Variants in LINGO2 observed in about 807,000 individuals in gnomAD.
LINGO2 encodes the protein leucine-rich repeat and immunoglobulin-like domain-containing nogo receptor-interacting protein 2.
A neutral mutation model predicts 30.6 loss-of-function variants in LINGO2; 14 were observed. That is an observed-to-expected ratio of 0.46 (90% CI 0.30 to 0.72). The LOEUF (loss-of-function observed/expected upper bound fraction) is 0.72. Among genes scored for constraint, LINGO2 ranks in the 30% least tolerant of loss-of-function variants. The pLI is 0.07. For missense variants in LINGO2, 729 were observed against 751.7 expected (o/e 0.97, Z 0.35); for synonymous variants, 317 against 288.5 (o/e 1.10, Z -1.00).
chr9:29,149,971 G>A, the LINGO2 span, among the ~76,000 whole-genome samples: 1 of 152,144 alleles, frequency 6.6e-6, no homozygotes, highest in Non-Finnish European at 1.5e-5. Context: ...CTTGATGCCA[G>A]TTATTGAAGG....
chr9:28,232,602 A>G (rs1821398042), intron 4 of LINGO2, among the ~76,000 whole-genome samples: 1 of 152,084 alleles, frequency 6.6e-6, no homozygotes. Context: ...ACTCATCATT[A>G]TTTTGTGTGT....
the LINGO2 span, among the ~76,000 whole-genome samples, chr9:29,203,734 C>G: frequency 3.3e-5 from 5 of 152,262 alleles, no homozygotes; most frequent in African/African-American, 1.2e-4. Flanking sequence ...CCACTTAATC[C>G]TCTTGCCTAT....
At chr9:28,149,981 C>T (rs888998975) in intron 4 of LINGO2, among the ~76,000 whole-genome samples, 2 of 150,104 alleles carry the variant, frequency 1.3e-5, no homozygotes, top group Non-Finnish European at 3.0e-5. Context: ...AGGAGCGCCT[C>T]TGCCTTGCCG....
intron 5 of LINGO2, among the ~76,000 whole-genome samples, chr9:27,990,676 C>A (rs1357459068): frequency 6.6e-6 from 1 of 151,936 alleles, no homozygotes; most frequent in Non-Finnish European, 1.5e-5. Flanking sequence ...TTATCGCATT[C>A]AGTGGTTGAG....
the LINGO2 span, among the ~76,000 whole-genome samples, chr9:28,927,615 A>G: frequency 2.6e-5 from 4 of 152,220 alleles, no homozygotes; most frequent in Non-Finnish European, 4.4e-5. Flanking sequence ...ATATGAGATA[A>G]TGTAAATAAG....
the LINGO2 span, among the ~76,000 whole-genome samples, chr9:29,083,549 T>G: frequency 6.6e-6 from 1 of 151,848 alleles, no homozygotes; most frequent in Non-Finnish European, 1.5e-5. Flanking sequence ...ACCTGCACAT[T>G]GTGCACATGT....
chr9:28,576,483 T>C (rs542334526), intron 1 of LINGO2, among the ~76,000 whole-genome samples: 2 of 152,328 alleles, frequency 1.3e-5, no homozygotes, highest in South Asian at 2.1e-4. Flanking sequence ...ATAAAGATCA[T>C]GTACAAAACA....
chr9:28,547,545 G>A (rs1199125708), intron 1 of LINGO2, among the ~76,000 whole-genome samples: 2 of 152,026 alleles, frequency 1.3e-5, no homozygotes, highest in Non-Finnish European at 2.9e-5. Flanking sequence ...AAGAAAGGGT[G>A]AGCAACATTT....
At chr9:28,199,933 G>C (rs180922262) in intron 4 of LINGO2, among the ~76,000 whole-genome samples, 1 of 134,414 alleles carries the variant, frequency 7.4e-6, no homozygotes, top group East Asian at 2.2e-4. Context: ...ACCAAACAAA[G>C]AACTTCGTGG....
chr9:28,172,526 C>A (rs1422389890), intron 4 of LINGO2, among the ~76,000 whole-genome samples: 2 of 152,140 alleles, frequency 1.3e-5, no homozygotes, highest in African/African-American at 2.4e-5. Context: ...CTAGGGTAAT[C>A]TTGACTTAAA....
the LINGO2 span, among the ~76,000 whole-genome samples, chr9:29,057,425 A>C: frequency 1.3e-5 from 2 of 152,160 alleles, no homozygotes; most frequent in Admixed American, 1.3e-4. Context: ...TGATTTTTGG[A>C]TATTGGCTCA....
At chr9:28,034,934 A>G (rs1218460239) in intron 4 of LINGO2, among the ~76,000 whole-genome samples, 2 of 152,232 alleles carry the variant, frequency 1.3e-5, no homozygotes, top group Non-Finnish European at 2.9e-5. Context: ...TTGAGTGTAT[A>G]GAGTAAGTGT....
chr9:29,108,631 C>T, the LINGO2 span, among the ~76,000 whole-genome samples: 2 of 152,060 alleles, frequency 1.3e-5, no homozygotes, highest in African/African-American at 4.8e-5. Context: ...GATCTCATTC[C>T]CTAAGCAGAT....
chr9:28,383,026 A>G (rs1280711281), intron 2 of LINGO2, among the ~76,000 whole-genome samples: 1 of 152,086 alleles, frequency 6.6e-6, no homozygotes, highest in Non-Finnish European at 1.5e-5. Flanking sequence ...AAAGGTGGTA[A>G]GTGTGGAAGT....
the LINGO2 span, among the ~76,000 whole-genome samples, chr9:29,173,812 T>G: frequency 6.6e-6 from 1 of 152,076 alleles, no homozygotes; most frequent in Non-Finnish European, 1.5e-5. Flanking sequence ...ATTATAAATA[T>G]GTAATTCATG....
rs114848320 is a variant in LINGO2 at position 28,628,389 on chromosome 9, C to T, written c.-365+41811G>A. On this transcript the variant is annotated intron_variant, in intron 1 of 5. Coordinates refer to ENST00000379992, the Ensembl canonical transcript of LINGO2. ...GTTTGCAGACAATAAATTCACATAA[C>T]AGTAAAACAAATGCTACTTGCAGAG... is the stretch of plus-strand genomic sequence containing the variant. Among the ~76,000 whole-genome samples the T allele has an allele frequency of 2.6e-3, 397 of 152,168 alleles. 3 individuals are homozygous for T. The highest frequency in any genetic ancestry group is 9.1e-3 in the African/African-American group (379 of 41,524).
At chr9:28,714,164 A>AATCTATATAT in the LINGO2 span, among the ~76,000 whole-genome samples, 5 of 117,156 alleles carry the variant, frequency 4.3e-5, no homozygotes, top group African/African-American at 1.7e-4. Flanking sequence ...TGCCTCAAAT[A>AATCTATATAT]ATATATATAT....
intron 4 of LINGO2, among the ~76,000 whole-genome samples, chr9:28,099,944 C>A (rs1330883989): frequency 6.6e-6 from 1 of 152,010 alleles, no homozygotes; most frequent in Non-Finnish European, 1.5e-5. Flanking sequence ...CAAGTGTGAT[C>A]ATATTACTTC....
At chr9:28,189,913 A>T (rs1190244491) in intron 4 of LINGO2, among the ~76,000 whole-genome samples, 2 of 151,944 alleles carry the variant, frequency 1.3e-5, no homozygotes. Flanking sequence ...GAGAAGAGAG[A>T]GAAGAGGGGA....
Sources: gnomAD v4.1 joint callset for allele counts (sites outside exome capture counted in the v4.1 genomes callset) on GRCh38, gnomAD v4.1.1 for gene constraint, MANE v1.5 for transcripts, NCBI Gene and HGNC (gene_info 2026-07-23, HGNC 2026-07-21) for gene names.